Variants in AARS1 observed in about 807,000 individuals in gnomAD.
AARS1 encodes the protein alanine--tRNA ligase, cytoplasmic.
In AARS1, 72 loss-of-function variants were observed where a neutral mutation model predicts 108.9. The observed-to-expected ratio is 0.66, with a 90% CI of 0.55 to 0.80. The LOEUF (loss-of-function observed/expected upper bound fraction) is 0.80, where lower values mean the gene tolerates loss of function less well. AARS1 is among the 30% of genes least tolerant of loss of function. AARS1 has a pLI of 0.00. For missense variants in AARS1, 1,193 were observed against 1,233.2 expected, an observed-to-expected ratio of 0.97 and a Z score of 0.49; for synonymous variants, 489 against 465.7, an observed-to-expected ratio of 1.05 and a Z score of -0.64.
chr16:70,252,929 G>C, intron 20 of AARS1, 23 bp from the exon 21 acceptor site: 1 of 1,612,760 alleles, frequency 6.2e-7, no homozygotes, highest in South Asian at 1.1e-5. Flanking sequence ...AAGGGAAGGG[G>C]GAGTCAGCAC....
At chr16:70,255,283 T>G (rs527729945) in intron 16 of AARS1, among the ~76,000 whole-genome samples, 1 of 137,634 alleles carries the variant, frequency 7.3e-6, no homozygotes, top group South Asian at 2.3e-4. Flanking sequence ...CACTGCAACC[T>G]CTGCCTCCCA....
intron 2 of AARS1, among the ~76,000 whole-genome samples, chr16:70,281,944 G>A (rs939772774): frequency 2.0e-5 from 3 of 152,066 alleles, no homozygotes; most frequent in Non-Finnish European, 4.4e-5. Context: ...AAGGTCAGGA[G>A]ATTGAGACCA....
At chr16:70,282,170 T>C (rs976131151) in intron 2 of AARS1, among the ~76,000 whole-genome samples, 1 of 146,902 alleles carries the variant, frequency 6.8e-6, no homozygotes, top group Admixed American at 6.8e-5. Context: ...ATAATGATAA[T>C]ACAAAAAAAT....
At chr16:70,269,568 T>A (rs754413604) in intron 7 of AARS1, 50 bp downstream of exon 7, 7 of 1,609,072 alleles carry the variant, frequency 4.4e-6, no homozygotes, top group Non-Finnish European at 5.9e-6. Context: ...GAGTCACACA[T>A]AGCACACGTG....
rs954597275 is a variant in AARS1, at chr16:70,289,414, G to C, written c.-22+7C>G. Reference sequence around the variant, plus strand: ...TAGCACCGCAGAGCTCTCCGAGGGCGGCCTACCTCTCCTAGGGTCGCCGTC... The same window carrying C: ...TAGCACCGCAGAGCTCTCCGAGGGCCGCCTACCTCTCCTAGGGTCGCCGTC... On this transcript the variant is annotated splice_region_variant and intron_variant, in intron 1 of 20. Coordinates refer to ENST00000261772, the MANE Select transcript of AARS1 (RefSeq NM_001605.3). 2 of 383,066 alleles carry C rather than the reference G, an allele frequency of 5.2e-6. No homozygotes were observed. The highest frequency in any genetic ancestry group is 3.0e-5 in the Admixed American group (1 of 33,084). The allele number at this position is 383,066 out of a possible 1,614,324, so 23.7% of individuals were successfully genotyped here. A position where few individuals can be genotyped will look rare whatever the true frequency, so the allele number is the denominator to read the frequency against.
intron 1 of AARS1, among the ~76,000 whole-genome samples, chr16:70,283,027 T>C (rs187623059): frequency 6.6e-6 from 1 of 152,282 alleles, no homozygotes; most frequent in East Asian, 1.9e-4. Context: ...CCAAGCACAC[T>C]GCTGCTGGAT....
intron 1 of AARS1, among the ~76,000 whole-genome samples, chr16:70,285,027 G>A (rs1022144632): frequency 1.3e-5 from 2 of 152,084 alleles, no homozygotes; most frequent in Non-Finnish European, 2.9e-5. Context: ...GTCAGGAGTT[G>A]AAGACCAGCC....
At chr16:70,282,238 A>C (rs867715416) in intron 2 of AARS1, among the ~76,000 whole-genome samples, 1 of 149,452 alleles carries the variant, frequency 6.7e-6, no homozygotes, top group Middle Eastern at 3.2e-3. Context: ...CTGGGGCAGG[A>C]GAATGGCGTG....
intron 2 of AARS1, among the ~76,000 whole-genome samples, chr16:70,282,390 C>G (rs190515797): frequency 6.6e-6 from 1 of 151,306 alleles, no homozygotes; most frequent in Non-Finnish European, 1.5e-5. Flanking sequence ...TGCGAAATAC[C>G]GTGCTAAACA....
At chr16:70,264,588 A>G (rs1459767318) in intron 11 of AARS1, among the ~76,000 whole-genome samples, 2 of 152,066 alleles carry the variant, frequency 1.3e-5, no homozygotes, top group African/African-American at 2.4e-5. Flanking sequence ...AAGTGTTGGG[A>G]TTACAGGTGT....
chr16:70,286,890 T>G (rs983822238), intron 1 of AARS1, among the ~76,000 whole-genome samples: 12 of 143,848 alleles, frequency 8.3e-5, no homozygotes, highest in African/African-American at 3.1e-4. Context: ...CCGAGGCGGG[T>G]GGATCACCTG....
Position 70,261,671 on chromosome 16 carries a change from A to ATTTT in AARS1, c.1672-518_1672-515dup, listed in dbSNP as rs11385686. Among the ~76,000 whole-genome samples, 164 of 131,810 alleles carry ATTTT rather than the reference A, an allele frequency of 1.2e-3. 2 individuals carry two copies. Among genetic ancestry groups the ATTTT allele is most frequent in the African/African-American group, 4.3e-3 (146 of 33,772 alleles). 86.5% of individuals were successfully genotyped at this position (131,810 alleles called of 152,430 possible). A position where few individuals can be genotyped will look rare whatever the true frequency, so the allele number is the denominator to read the frequency against. Reference sequence around the variant, plus strand: ...AACCAATATTAAGGAGCATCTTAGAATTTTTTTTTTTTTTTTGAGACAGAG... The same window carrying ATTTT: ...AACCAATATTAAGGAGCATCTTAGAATTTTTTTTTTTTTTTTTTTTGAGACAGAG... On this transcript the variant is annotated intron_variant, in intron 12 of 20. Transcript: ENST00000261772.
chr16:70,282,613 C>T lies in AARS1; in HGVS notation c.144+7G>A. On this transcript the variant is annotated splice_region_variant and intron_variant, in intron 2 of 20. Transcript: ENST00000261772. ...CCAAAAGCCAAGAAAAAAGGAAAAA[C>T]CCTTACCTGGTTCATGCCTGCATTG... The T allele has an allele frequency of 6.2e-7, 1 of 1,614,062 alleles. No homozygotes were observed. Among genetic ancestry groups the T allele is most frequent in the Non-Finnish European group, 8.5e-7 (1 of 1,180,020 alleles).
At chr16:70,275,785 A>G (rs1960532809) in intron 4 of AARS1, among the ~76,000 whole-genome samples, 1 of 150,746 alleles carries the variant, frequency 6.6e-6, no homozygotes, top group African/African-American at 2.4e-5. Flanking sequence ...AAATATATAT[A>G]TATTAGCTGG....
intron 9 of AARS1, among the ~76,000 whole-genome samples, chr16:70,266,674 A>G (rs956513386): frequency 2.3e-4 from 35 of 151,750 alleles, no homozygotes; most frequent in African/African-American, 7.3e-4. Context: ...GGTGCCCGCC[A>G]TCATGCATGG....
chr16:70,262,484 C>G lies in AARS1; in HGVS notation c.1533G>C (p.Arg511Ser). The change falls in exon 12 of 21, where the codon AGG becomes AGC. Residue 511 changes from arginine to serine, a missense_variant. Transcript: ENST00000261772. Reference sequence around the variant, plus strand: ...ACACCTCTTCCACGAACATCTTCTCCCTGCGCAGAGCCATCACCGTAGCCA... The same window carrying G: ...ACACCTCTTCCACGAACATCTTCTCGCTGCGCAGAGCCATCACCGTAGCCA... ...NTVATVMALR[R>S]EKMFVEEVST... is the part of the protein sequence containing the mutation. 1 of 1,614,142 alleles carries G rather than the reference C, an allele frequency of 6.2e-7. No individual in the cohort carries two copies. Among genetic ancestry groups the G allele is most frequent in the South Asian group, 1.1e-5 (1 of 91,082 alleles).
At chr16:70,259,221 T>C (rs1391440270) in intron 13 of AARS1, 35 bp from the exon 14 acceptor site, 5 of 1,590,128 alleles carry the variant, frequency 3.1e-6, no homozygotes, top group Admixed American at 1.7e-5. Context: ...GAGAGGTCTG[T>C]AATAGACTGC....
intron 7 of AARS1, among the ~76,000 whole-genome samples, 174 bp from the exon 8 acceptor site, chr16:70,268,553 C>A (rs1339495710): frequency 6.6e-6 from 1 of 152,196 alleles, no homozygotes; most frequent in South Asian, 2.1e-4. Context: ...AACATACCCA[C>A]AAATACCCGT....
intron 4 of AARS1, among the ~76,000 whole-genome samples, chr16:70,272,417 A>C (rs1001312679): frequency 6.8e-6 from 1 of 148,022 alleles, no homozygotes; most frequent in Non-Finnish European, 1.5e-5. Flanking sequence ...GAGGCAGGAG[A>C]ATCACTAGAA....
Sources: gnomAD v4.1 joint callset for allele counts (sites outside exome capture counted in the v4.1 genomes callset) on GRCh38, gnomAD v4.1.1 for gene constraint, MANE v1.5 for transcripts, NCBI Gene and HGNC (gene_info 2026-07-23, HGNC 2026-07-21) for gene names.